Variants in RANBP17 observed in about 807,000 individuals in gnomAD.
The protein encoded by RANBP17 is ran-binding protein 17.
A neutral mutation model predicts 141.2 loss-of-function variants in RANBP17; 158 were observed. The ratio of observed to expected loss-of-function variants is 1.12; its 90% CI spans 0.98 to 1.28. The LOEUF is 1.28. Ranked by LOEUF, RANBP17 falls within the 50% of genes most tolerant of loss-of-function variation. RANBP17 has a pLI of 0.00. For missense variants in RANBP17, 1,438 were observed against 1,290.7 expected (o/e 1.11, Z -1.75); for synonymous variants, 430 against 450.0 (o/e 0.96, Z 0.56).
At chr5:170,986,983 G>C (rs1778185561) in intron 14 of RANBP17, among the ~76,000 whole-genome samples, 1 of 151,760 alleles carries the variant, frequency 6.6e-6, no homozygotes, top group Admixed American at 6.6e-5. Flanking sequence ...ATGGTACTTG[G>C]ATATATTCTG....
At chr5:171,270,037 A>G (rs376656159) in intron 25 of RANBP17, among the ~76,000 whole-genome samples, 1 of 152,196 alleles carries the variant, frequency 6.6e-6, no homozygotes, top group East Asian at 1.9e-4. Context: ...GTTAATTCCA[A>G]ATTGCAAAAG....
intron 12 of RANBP17, among the ~76,000 whole-genome samples, chr5:170,947,786 A>C (rs2127486712): frequency 6.6e-6 from 1 of 152,208 alleles, no homozygotes; most frequent in African/African-American, 2.4e-5. Flanking sequence ...TCCTAATAGT[A>C]TAATGGTCTC....
chr5:171,012,067 CGAATATAT>C (rs2127591836), intron 14 of RANBP17, among the ~76,000 whole-genome samples: 1 of 93,012 alleles, frequency 1.1e-5, no homozygotes, highest in African/African-American at 2.9e-5. Context: ...TTTGTTTAAA[CGAATATAT>C]TGTTTGTTTA....
Position 170,918,836 on chromosome 5 carries a change from A to C in RANBP17, c.1078A>C (p.Asn360His), listed in dbSNP as rs1230076888. 1 of 1,582,876 alleles carries C rather than the reference A, an allele frequency of 6.3e-7. No individual in the cohort carries two copies. The highest frequency in any genetic ancestry group is 8.6e-7 in the Non-Finnish European group (1 of 1,162,522). Reference sequence around the variant, plus strand: ...TCCTGAAGTTATTAGATTGATTGCTAATTTTACCATTACTAGCCTACAGGT... The same window carrying C: ...TCCTGAAGTTATTAGATTGATTGCTCATTTTACCATTACTAGCCTACAGGT... The part of the protein sequence containing the change: ...EYPEVIRLIA[N>H]FTITSLQHWE... Residue 360 changes from asparagine (N) to histidine (H), a missense_variant, in exon 10 of 28, where the codon AAT (asparagine) becomes CAT (histidine). By Grantham distance (68) the Asn-to-His change is moderately conservative. Transcript: ENST00000523189.
At chr5:170,904,980 C>CA (rs1354686579) in intron 5 of RANBP17, among the ~76,000 whole-genome samples, 1 of 152,044 alleles carries the variant, frequency 6.6e-6, no homozygotes, top group Non-Finnish European at 1.5e-5. Context: ...CTTGTTTTCT[C>CA]AAAAGAATTC....
chr5:171,143,249 G>A (rs1041222677), intron 14 of RANBP17: 2 of 152,170 alleles, frequency 1.3e-5, no homozygotes, highest in African/African-American at 4.8e-5. Context: ...ATTCTTGTAT[G>A]TGTTGCTATG....
At chr5:171,070,198 G>C (rs538785643) in intron 14 of RANBP17, among the ~76,000 whole-genome samples, 46 of 151,978 alleles carry the variant, frequency 3.0e-4, no homozygotes, top group Non-Finnish European at 5.4e-4. Flanking sequence ...TTACTTGTAG[G>C]GCACTTTAAT....
intron 14 of RANBP17, among the ~76,000 whole-genome samples, chr5:171,083,543 A>G (rs559143515): frequency 3.9e-5 from 6 of 152,246 alleles, no homozygotes; most frequent in Non-Finnish European, 7.3e-5. Flanking sequence ...GAACAACACA[A>G]GTTTGAACTG....
chr5:171,007,934 G>A (rs1779768528), intron 14 of RANBP17, among the ~76,000 whole-genome samples: 1 of 152,166 alleles, frequency 6.6e-6, no homozygotes, highest in Admixed American at 6.5e-5. Flanking sequence ...GAAGCCGGTG[G>A]GGAGCAACCC....
chr5:171,226,896 A>G (rs1763914514), intron 22 of RANBP17, among the ~76,000 whole-genome samples: 1 of 152,198 alleles, frequency 6.6e-6, no homozygotes, highest in South Asian at 2.1e-4. Context: ...TTATAAATTG[A>G]AGGTTTGGAG....
chr5:171,124,270 C>T (rs1415858494), intron 14 of RANBP17, among the ~76,000 whole-genome samples: 2 of 151,484 alleles, frequency 1.3e-5, no homozygotes, highest in Non-Finnish European at 2.9e-5. Flanking sequence ...AATATCTGAA[C>T]TTGAAGACAG....
chr5:170,918,590 T>C, intron 9 of RANBP17, 123 bp from the exon 10 acceptor site: 1 of 639,802 alleles, frequency 1.6e-6, no homozygotes, highest in Non-Finnish European at 2.4e-6. Context: ...AACTACCCAA[T>C]TGACACAGAG....
intron 24 of RANBP17, among the ~76,000 whole-genome samples, chr5:171,246,286 C>G (rs182657386): frequency 1.3e-5 from 2 of 152,340 alleles, no homozygotes; most frequent in Non-Finnish European, 2.9e-5. Context: ...GTACTCTGTA[C>G]TACAAGTTTT....
chr5:171,047,287 G>A lies in RANBP17; in HGVS notation c.1710+78910G>A, dbSNP rs150671903. ...CCCACCTCGGCACCCCAAAGTGTTG[G>A]GATTACAGGTGTGAGCCACTGCACT... On this transcript the variant is annotated intron_variant, in intron 14 of 27. Coordinates refer to ENST00000523189, the MANE Select transcript of RANBP17 (RefSeq NM_022897.5). 2.6e-3 allele frequency among the ~76,000 whole-genome samples: 394 copies of A among 151,394 alleles called. 3 individuals carry two copies. The highest frequency in any genetic ancestry group is 8.8e-3 in the African/African-American group (364 of 41,320).
chr5:170,919,446 G>T lies in RANBP17; in HGVS notation c.1107G>T (p.Trp369Cys). The T allele has an allele frequency of 6.4e-7, 1 of 1,560,014 alleles. No individual in the cohort carries two copies. The highest frequency in any genetic ancestry group is 8.6e-7 in the Non-Finnish European group (1 of 1,156,790). Residue 369 changes from tryptophan to cysteine, a missense_variant, in exon 11 of 28, where the codon TGG (tryptophan) becomes TGT (cysteine). By Grantham distance (215) the Trp-to-Cys change is radical. Transcript: ENST00000523189. Reference sequence around the variant, plus strand: ...TCTGCTTTATTTCTTTGTAGCACTGGGAATTTGCTCCTAACAGTGTTCATT... The same window carrying T: ...TCTGCTTTATTTCTTTGTAGCACTGTGAATTTGCTCCTAACAGTGTTCATT... ...ANFTITSLQH[W>C]EFAPNSVHYL...
At chr5:170,935,779 A>G (rs993666428) in intron 12 of RANBP17, among the ~76,000 whole-genome samples, 3 of 152,268 alleles carry the variant, frequency 2.0e-5, no homozygotes, top group Middle Eastern at 3.4e-3. Context: ...CCGTTCTCAG[A>G]TCTCACACTC....
At chr5:171,258,605 A>G (rs934106710) in intron 24 of RANBP17, among the ~76,000 whole-genome samples, 1 of 152,218 alleles carries the variant, frequency 6.6e-6, no homozygotes, top group African/African-American at 2.4e-5. Flanking sequence ...GATCTTCAAC[A>G]AAGCTGACAA....
intron 8 of RANBP17, among the ~76,000 whole-genome samples, chr5:170,915,722 T>C (rs957096393): frequency 2.0e-5 from 3 of 152,082 alleles, no homozygotes; most frequent in African/African-American, 7.2e-5. Flanking sequence ...AAATTTGGAA[T>C]ATGCTGGATT....
intron 1 of RANBP17, among the ~76,000 whole-genome samples, chr5:170,875,740 A>T (rs1007580951): frequency 6.6e-6 from 1 of 151,936 alleles, no homozygotes; most frequent in South Asian, 2.1e-4. Context: ...TCTGAAGCCT[A>T]CTTCTGTCAG....
Sources: allele counts gnomAD v4.1 joint callset (sites outside exome capture counted in the v4.1 genomes callset), GRCh38; gene constraint gnomAD v4.1.1; transcripts MANE v1.5; gene names NCBI Gene and HGNC (gene_info 2026-07-23, HGNC 2026-07-21).